Variants in ANKRD26 observed in about 807,000 individuals in gnomAD.
ANKRD26 encodes ankyrin repeat domain 26.
Under a neutral mutation model 208.7 loss-of-function variants are expected in ANKRD26, and 141 were observed. That is an observed-to-expected ratio of 0.68 (90% CI 0.59 to 0.78). The LOEUF is 0.78. Ranked by LOEUF, ANKRD26 falls within the 30% of genes least tolerant of loss-of-function variation. ANKRD26 has a pLI of 0.00. For synonymous variants in ANKRD26, 636 were observed against 660.4 expected, an observed-to-expected ratio of 0.96 and a Z score of 0.57; for missense variants, 1,889 against 1,938.7, an observed-to-expected ratio of 0.97 and a Z score of 0.48.
chr10:27,070,243 T>C (rs1249457078), intron 9 of ANKRD26, among the ~76,000 whole-genome samples: 3 of 150,868 alleles, frequency 2.0e-5, no homozygotes, highest in Non-Finnish European at 4.4e-5. Context: ...CTACTAAAAA[T>C]ACAAAAATTA....
chr10:26,973,048 G>C (rs2052173722), downstream of ANKRD26, among the ~76,000 whole-genome samples: 1 of 152,012 alleles, frequency 6.6e-6, no homozygotes, highest in African/African-American at 2.4e-5. Context: ...TGTTGCCTGT[G>C]TGCTTGTCAA....
the ANKRD26 span, among the ~76,000 whole-genome samples, chr10:26,959,939 C>T: frequency 6.6e-6 from 1 of 152,080 alleles, no homozygotes; most frequent in Non-Finnish European, 1.5e-5. Flanking sequence ...TTATTTGACA[C>T]CTCTCCCATC....
In ANKRD26 at chr10:27,078,096, GA is replaced by G. The variant is rs1191550003; in HGVS notation, c.814-404del. Among the ~76,000 whole-genome samples the G allele has an allele frequency of 2.6e-5, 4 of 152,078 alleles. No individual in the cohort carries two copies. The East Asian group carries it at 7.7e-4, about 29-fold the overall frequency. On this transcript the variant is annotated intron_variant, in intron 7 of 33. Transcript: ENST00000376087. ...GTGTATGCATGATTTATATTTGCAT[GA>G]ATTACCTCTTGTGAGAAAAACTGTG...
intron 27 of ANKRD26, among the ~76,000 whole-genome samples, chr10:27,028,585 C>CAAGAAAAAAAAAAAA (rs2053754386): frequency 1.3e-5 from 1 of 76,092 alleles, no homozygotes; most frequent in Non-Finnish European, 2.4e-5. Context: ...GACTCCATCT[C>CAAGAAAAAAAAAAAA]AAAAAAAAAA....
intron 12 of ANKRD26, among the ~76,000 whole-genome samples, chr10:27,062,672 T>C (rs748564360): frequency 6.6e-6 from 1 of 152,232 alleles, no homozygotes; most frequent in Non-Finnish European, 1.5e-5. Flanking sequence ...ATAGTATGGC[T>C]TCCTTGATCT....
chr10:27,015,521 G>A (rs1175510079), intron 30 of ANKRD26, among the ~76,000 whole-genome samples: 1 of 152,188 alleles, frequency 6.6e-6, no homozygotes, highest in Non-Finnish European at 1.5e-5. Flanking sequence ...CTCATTCCAT[G>A]TCTCTAAGAG....
At chr10:27,008,953 C>T (rs1199279037) in intron 32 of ANKRD26, among the ~76,000 whole-genome samples, 1 of 152,164 alleles carries the variant, frequency 6.6e-6, no homozygotes, top group Non-Finnish European at 1.5e-5. Context: ...AATTCTCCTG[C>T]CTCAGCCTCC....
At chr10:27,036,599 A>G (rs2054053612) in intron 23 of ANKRD26, among the ~76,000 whole-genome samples, 1 of 152,130 alleles carries the variant, frequency 6.6e-6, no homozygotes, top group African/African-American at 2.4e-5. Context: ...AACAGGGAGA[A>G]ATATGCTGAA....
intron 3 of ANKRD26, among the ~76,000 whole-genome samples, chr10:26,985,606 G>C (rs2052373756): frequency 6.6e-6 from 1 of 152,178 alleles, no homozygotes; most frequent in African/African-American, 2.4e-5. Flanking sequence ...TGGTTACCCT[G>C]CTTTCAGTGG....
chr10:27,082,534 C>T lies in ANKRD26; in HGVS notation c.740+269G>A, dbSNP rs7083768. ...CCGCACAGGTCTCTATCAATCTATG[C>T]TGAGGGGCAAGAGAAGGGATTTGGG... is the stretch of plus-strand genomic sequence containing the variant. On this transcript the variant is annotated intron_variant, in intron 6 of 33. Transcript: ENST00000376087. Among the ~76,000 whole-genome samples the T allele has an allele frequency of 0.23, 35,691 of 152,078 alleles. 4,816 individuals carry two copies. Among genetic ancestry groups the T allele is most frequent in the East Asian group, 0.55 (2,850 of 5,148 alleles).
exon 6 of ANKRD26, among the ~76,000 whole-genome samples, chr10:26,975,017 G>A (rs1468347028): frequency 1.3e-5 from 2 of 152,042 alleles, no homozygotes; most frequent in Admixed American, 6.5e-5. Context: ...AGGGCCTCTT[G>A]TATCACTAGA....
chr10:26,963,649 A>T, the ANKRD26 span, among the ~76,000 whole-genome samples: 3 of 152,196 alleles, frequency 2.0e-5, no homozygotes, highest in Non-Finnish European at 4.4e-5. Context: ...ATCCCAGGAT[A>T]CCAAAATCCG....
At chr10:27,081,216 A>G (rs766420638) in intron 6 of ANKRD26, among the ~76,000 whole-genome samples, 1 of 152,208 alleles carries the variant, frequency 6.6e-6, no homozygotes, top group Non-Finnish European at 1.5e-5. Context: ...GCCTTTCTAG[A>G]TAATTCCAAA....
rs114972099 is a variant in ANKRD26 at position 27,067,931 on chromosome 10, C to T, written c.1078-645G>A. ...GATTCTGTCCTATATTCATCAAGTG[C>T]GGGTAGAGATAAATAAAACCAAGTA... On this transcript the variant is annotated intron_variant, in intron 9 of 33. Transcript: ENST00000376087. Among the ~76,000 whole-genome samples, 15 of 152,170 alleles carry T rather than the reference C, an allele frequency of 9.9e-5. No homozygotes were observed. The South Asian group carries it at 2.5e-3, about 25-fold the overall frequency.
chr10:27,033,289 T>C lies in ANKRD26; in HGVS notation c.3743A>G (p.Tyr1248Cys). The change falls in exon 25 of 34, where the codon TAT becomes TGT. Residue 1248 changes from tyrosine (Y) to cysteine (C), a missense_variant. By Grantham distance (194) the Tyr-to-Cys change is radical. Transcript: ENST00000376087. Reference sequence around the variant, plus strand: ...TGTCTCATCTTCTAAATTAATACGATAACGTGACGTAACCTCCAGTGAAGC... The same window carrying C: ...TGTCTCATCTTCTAAATTAATACGACAACGTGACGTAACCTCCAGTGAAGC... ...SEASLEVTSR[Y>C]RINLEDETQD... 7.4e-6 allele frequency: 12 copies of C among 1,612,758 alleles called. No individual in the cohort carries two copies. The highest frequency in any genetic ancestry group is 1.0e-5 in the Non-Finnish European group (12 of 1,179,054).
In ANKRD26 at chr10:27,067,411, T is replaced by A. The variant is rs2055299217; in HGVS notation, c.1078-125A>T. On this transcript the variant is annotated intron_variant, in intron 9 of 33. Coordinates refer to ENST00000376087, the MANE Select transcript of ANKRD26 (RefSeq NM_014915.3). ...TAAAGAAATACCTGGTCATCCAAGA[T>A]GGGGGCATAGTTTTTTTTTTTTAAA... is the stretch of plus-strand genomic sequence containing the variant. 3 of 1,146,114 alleles carry A rather than the reference T, an allele frequency of 2.6e-6. No individual in the cohort carries two copies. In the East Asian group the frequency reaches 7.8e-5, roughly 30 times the overall value. 71.0% of individuals were successfully genotyped at this position (1,146,114 alleles called of 1,614,324 possible).
At position 27,040,136 on chromosome 10, in the gene ANKRD26, C is replaced by T; in HGVS notation, c.2204G>A (p.Cys735Tyr). 1 of 1,612,660 alleles carries T rather than the reference C, an allele frequency of 6.2e-7. No homozygotes were observed. The highest frequency in any genetic ancestry group is 8.5e-7 in the Non-Finnish European group (1 of 1,179,438). ...TTTTTTAAGTTCTAATAATCTTTCA[C>T]ATGAAAGAGCTGCATCCTGGATTTT... ...LLKIQDAALSCERLLELKKNH... is the reference protein window; with the variant it reads ...LLKIQDAALSYERLLELKKNH... Residue 735 changes from cysteine (C) to tyrosine (Y), a missense_variant, in exon 21 of 34, where the codon TGT becomes TAT. This residue lies in a region of ANKRD26 where 1,272 missense variants were observed against 1,273.8 expected (regional missense o/e 1.00). Coordinates refer to ENST00000376087, the MANE Select transcript of ANKRD26 (RefSeq NM_014915.3).
chr10:27,064,731 A>C (rs1045568950), intron 11 of ANKRD26, among the ~76,000 whole-genome samples: 1 of 152,222 alleles, frequency 6.6e-6, no homozygotes, highest in Non-Finnish European at 1.5e-5. Flanking sequence ...GACTAAAATG[A>C]GAAAGCAGTA....
intron 4 of ANKRD26, chr10:26,995,216 C>T: frequency 2.1e-6 from 1 of 470,130 alleles, no homozygotes; most frequent in Non-Finnish European, 4.4e-6. Flanking sequence ...AAAAGCAAAA[C>T]TTCACGGAGG....
Sources: gnomAD v4.1 joint callset for allele counts (sites outside exome capture counted in the v4.1 genomes callset) on GRCh38, gnomAD v4.1.1 for gene constraint, gnomAD v4.1.1 regional missense constraint, MANE v1.5 for transcripts, NCBI Gene and HGNC (gene_info 2026-07-23, HGNC 2026-07-21) for gene names.